The following IL1RAPL1 variants were observed in gnomAD, a reference collection of about 807,000 sequenced individuals.
The protein encoded by IL1RAPL1 is interleukin-1 receptor accessory protein-like 1.
Under a neutral mutation model 48.4 loss-of-function variants are expected in IL1RAPL1, and 3 were observed. The observed-to-expected ratio is 0.06, with a 90% CI of 0.03 to 0.16. IL1RAPL1 has a LOEUF of 0.16. Among genes scored for constraint, IL1RAPL1 ranks in the 10% least tolerant of loss-of-function variants. The pLI is 1.00. For missense variants in IL1RAPL1, 349 were observed against 530.6 expected (o/e 0.66, Z 3.36); for synonymous variants, 185 against 187.7 (o/e 0.99, Z 0.12).
intron 2 of IL1RAPL1, among the ~76,000 whole-genome samples, chrX:29,187,607 G>A (rs773506347): frequency 5.4e-5 from 6 of 111,356 alleles, no homozygotes; most frequent in South Asian, 3.8e-4. Context: ...TTCCAAGGCC[G>A]TTCACAATGC....
intron 1 of IL1RAPL1, among the ~76,000 whole-genome samples, chrX:28,735,624 T>G (rs1262509727): frequency 9.2e-6 from 1 of 108,541 alleles, no homozygotes; most frequent in Non-Finnish European, 1.9e-5. Context: ...AAAAAAAAAT[T>G]AGCTGGGTGT....
At chrX:29,232,200 CTTATT>C in intron 2 of IL1RAPL1, among the ~76,000 whole-genome samples, 1 of 111,308 alleles carries the variant, frequency 9.0e-6, no homozygotes, top group East Asian at 2.8e-4. Context: ...AAAATAATTT[CTTATT>C]TTATAAATGA....
At chrX:29,927,787 T>G (rs1601887528) in intron 8 of IL1RAPL1, among the ~76,000 whole-genome samples, 1 of 110,760 alleles carries the variant, frequency 9.0e-6, no homozygotes, top group East Asian at 2.8e-4. Context: ...GAACACTTAC[T>G]TGTATTCAGC....
Position 29,664,403 on chromosome X carries a change from CA to C in IL1RAPL1, c.704-4007del, listed in dbSNP as rs569100581. On this transcript the variant is annotated intron_variant, in intron 5 of 10. Transcript: ENST00000378993. Reference sequence around the variant, plus strand: ...TGGGCAACAGAGCGAGACTCCGTCTCAAAAAAAAAAAAAAAAAAAAGTGAAG... The same window carrying C: ...TGGGCAACAGAGCGAGACTCCGTCTCAAAAAAAAAAAAAAAAAAAGTGAAG... Among the ~76,000 whole-genome samples, 1,022 of 40,672 alleles carry C rather than the reference CA, an allele frequency of 0.025. 24 individuals carry two copies. The East Asian group carries it at 0.29, about 11-fold the overall frequency. The allele number at this position is 40,672 out of a possible 115,157, so 35.3% of individuals were successfully genotyped here. A position where few individuals can be genotyped will look rare whatever the true frequency, so the allele number is the denominator to read the frequency against.
intron 5 of IL1RAPL1, among the ~76,000 whole-genome samples, chrX:29,467,127 A>T (rs1159908077): frequency 8.9e-6 from 1 of 111,946 alleles, no homozygotes; most frequent in African/African-American, 3.3e-5. Context: ...ATGTTTATTT[A>T]TTTAATTTAT....
In IL1RAPL1 at chrX:29,406,211, A is replaced by C. The variant is rs924622335; in HGVS notation, c.703+6903A>C. Among the ~76,000 whole-genome samples, 22 of 111,144 alleles carry C rather than the reference A, an allele frequency of 2.0e-4. 1 individual carries two copies. Among genetic ancestry groups the C allele is most frequent in the African/African-American group, 6.2e-4 (19 of 30,499 alleles). On this transcript the variant is annotated intron_variant, in intron 5 of 10. Transcript: ENST00000378993. ...AAGACCATCCTGGCTAACATGGTGG[A>C]ACCCTGTCTCTACTAAAAATACAAA...
At chrX:29,903,832 T>C (rs1569198664) in intron 6 of IL1RAPL1, among the ~76,000 whole-genome samples, 1 of 111,726 alleles carries the variant, frequency 9.0e-6, no homozygotes, top group Non-Finnish European at 1.9e-5. Flanking sequence ...ACTGTGCACC[T>C]TTCTGCCAAA....
chrX:29,946,117 C>T (rs1569210061), intron 9 of IL1RAPL1, among the ~76,000 whole-genome samples: 1 of 111,734 alleles, frequency 8.9e-6, no homozygotes, highest in Admixed American at 9.5e-5. Context: ...TTTTCCTTAC[C>T]CTTAATTGCA....
intron 5 of IL1RAPL1, among the ~76,000 whole-genome samples, chrX:29,645,993 C>T (rs770021865): frequency 3.0e-4 from 33 of 111,788 alleles, no homozygotes; most frequent in Non-Finnish European, 3.8e-4. Context: ...TTGTGAAGGG[C>T]CTACTTGTTC....
At chrX:29,250,119 A>G (rs1300878488) in intron 2 of IL1RAPL1, among the ~76,000 whole-genome samples, 1 of 111,809 alleles carries the variant, frequency 8.9e-6, no homozygotes, top group Non-Finnish European at 1.9e-5. Context: ...GAAACTGCCA[A>G]TAGCTGCTAA....
chrX:28,717,171 T>A (rs1390138125), intron 1 of IL1RAPL1, among the ~76,000 whole-genome samples: 1 of 112,118 alleles, frequency 8.9e-6, no homozygotes, highest in Non-Finnish European at 1.9e-5. Flanking sequence ...GAATATAAAT[T>A]GTTCTATCAC....
intron 1 of IL1RAPL1, among the ~76,000 whole-genome samples, chrX:28,768,778 T>TATATATATATATAC (rs768805531): frequency 6.5e-5 from 5 of 76,424 alleles, no homozygotes; most frequent in Non-Finnish European, 1.0e-4. Context: ...TATATATATA[T>TATATATATATATAC]ACACACACTA....
chrX:29,075,970 T>A (rs2147443880), intron 2 of IL1RAPL1, among the ~76,000 whole-genome samples: 1 of 111,631 alleles, frequency 9.0e-6, no homozygotes, highest in African/African-American at 3.2e-5. Context: ...TTAACAAATA[T>A]ACCTAAATAT....
At chrX:29,035,065 C>A (rs1926702970) in intron 2 of IL1RAPL1, among the ~76,000 whole-genome samples, 1 of 111,004 alleles carries the variant, frequency 9.0e-6, no homozygotes, top group Non-Finnish European at 1.9e-5. Context: ...GACAGGGTTT[C>A]ATCGTGTTAG....
At chrX:29,075,325 T>C (rs894687570) in intron 2 of IL1RAPL1, among the ~76,000 whole-genome samples, 1 of 111,745 alleles carries the variant, frequency 8.9e-6, no homozygotes, top group Non-Finnish European at 1.9e-5. Flanking sequence ...TTTTTGTTTG[T>C]AGGCCAGAAG....
intron 5 of IL1RAPL1, among the ~76,000 whole-genome samples, chrX:29,575,077 C>G (rs1464334189): frequency 9.0e-6 from 1 of 111,712 alleles, no homozygotes; most frequent in East Asian, 2.8e-4. Context: ...CTCAGCTTCC[C>G]ATCTTCTTCT....
intron 3 of IL1RAPL1, among the ~76,000 whole-genome samples, chrX:29,324,373 A>G (rs1230880288): frequency 8.9e-6 from 1 of 111,746 alleles, no homozygotes; most frequent in Non-Finnish European, 1.9e-5. Flanking sequence ...CTTAGGTTCC[A>G]TGAAGGATGG....
chrX:29,522,955 T>C (rs1315252930), intron 5 of IL1RAPL1, among the ~76,000 whole-genome samples: 2 of 111,480 alleles, frequency 1.8e-5, no homozygotes, highest in Non-Finnish European at 3.8e-5. Flanking sequence ...GTTAAAACTT[T>C]AGTTTATGCT....
rs755899742 is a variant in IL1RAPL1, at chrX:28,666,666, T to G, written c.-25+78619T>G. Among the ~76,000 whole-genome samples, 8 of 111,752 alleles carry G rather than the reference T, an allele frequency of 7.2e-5. 1 individual carries two copies. In the South Asian group the frequency reaches 1.8e-3, roughly 26 times the overall value. On this transcript the variant is annotated intron_variant, in intron 1 of 10. Coordinates refer to ENST00000378993, the MANE Select transcript of IL1RAPL1 (RefSeq NM_014271.4). The stretch of plus-strand genomic sequence containing the variant: ...ATTAGAACAAAAAAACCATATTTCT[T>G]TTGGTCCTTTTGCTTTGTTTGTTTA...
Sources: allele counts gnomAD v4.1 joint callset (sites outside exome capture counted in the v4.1 genomes callset), GRCh38; gene constraint gnomAD v4.1.1; transcripts MANE v1.5; gene names NCBI Gene and HGNC (gene_info 2026-07-23, HGNC 2026-07-21).